MAF: variants seen among roughly 807,000 people sequenced by gnomAD.
The protein encoded by MAF is MAF bZIP transcription factor.
MAF carries 10 observed loss-of-function variants against 22.0 expected under a neutral mutation model. The observed-to-expected ratio is 0.45, with a 90% CI of 0.28 to 0.77. MAF has a LOEUF of 0.77. Among genes scored for constraint, MAF ranks in the 30% least tolerant of loss-of-function variants. The probability of loss-of-function intolerance (pLI) is 0.12; values close to 1 mark genes in which losing one functional copy is unlikely to be tolerated. For missense variants in MAF, 544 were observed against 548.4 expected, an observed-to-expected ratio of 0.99 and a Z score of 0.08; for synonymous variants, 337 against 255.8, an observed-to-expected ratio of 1.32 and a Z score of -3.03.
chr16:79,414,322 T>C, the MAF span, among the ~76,000 whole-genome samples: 1 of 152,180 alleles, frequency 6.6e-6, no homozygotes, highest in Non-Finnish European at 1.5e-5. Flanking sequence ...TGGTGAGGCC[T>C]CAGGAAGATT....
At chr16:79,538,527 A>C in the MAF span, among the ~76,000 whole-genome samples, 3 of 152,246 alleles carry the variant, frequency 2.0e-5, no homozygotes, top group Non-Finnish European at 4.4e-5. Flanking sequence ...AAAGAATATT[A>C]AACCTGACTA....
chr16:79,310,759 T>G, the MAF span, among the ~76,000 whole-genome samples: 1 of 152,236 alleles, frequency 6.6e-6, no homozygotes, highest in East Asian at 1.9e-4. Context: ...CTTTGGGAAA[T>G]TGTAGCTTCT....
chr16:79,339,552 G>C, the MAF span, among the ~76,000 whole-genome samples: 1 of 152,154 alleles, frequency 6.6e-6, no homozygotes, highest in Non-Finnish European at 1.5e-5. Context: ...GAGAGAGATA[G>C]CTTGTGTTAA....
chr16:79,541,885 A>T, the MAF span, among the ~76,000 whole-genome samples: 4 of 152,026 alleles, frequency 2.6e-5, 1 homozygote, highest in African/African-American at 9.6e-5. Context: ...TGAACACCTC[A>T]CCTCAAGCGA....
chr16:79,227,072 T>G, the MAF span, among the ~76,000 whole-genome samples: 14 of 152,260 alleles, frequency 9.2e-5, no homozygotes, highest in African/African-American at 2.9e-4. Flanking sequence ...AATAACTGGC[T>G]GGGCCAGTTA....
At chr16:79,402,958 G>T in the MAF span, among the ~76,000 whole-genome samples, 1 of 152,130 alleles carries the variant, frequency 6.6e-6, no homozygotes, top group Non-Finnish European at 1.5e-5. Flanking sequence ...GGGAGTCCTT[G>T]CCCACCCATG....
At chr16:79,427,206 G>A in the MAF span, among the ~76,000 whole-genome samples, 1 of 152,212 alleles carries the variant, frequency 6.6e-6, no homozygotes, top group African/African-American at 2.4e-5. Flanking sequence ...GTGAGGAGTA[G>A]GCAAATGGAA....
chr16:79,275,705 C>A, the MAF span, among the ~76,000 whole-genome samples: 194 of 152,216 alleles, frequency 1.3e-3, 1 homozygote, highest in African/African-American at 4.5e-3. Context: ...GGTCAATGAA[C>A]AGACAAAACT....
rs554581523 is a variant in MAF at position 79,586,917 on chromosome 16, G to A, written c.1119-976C>T. On this transcript the variant is annotated intron_variant, in intron 1 of 1. Transcript: ENST00000569649. Reference sequence around the variant, plus strand: ...TCAATCTAATTCTTTTTCCAACATGGATATTCAGTTATTTTTCTTTAATCC... The same window carrying A: ...TCAATCTAATTCTTTTTCCAACATGAATATTCAGTTATTTTTCTTTAATCC... 8.7e-4 allele frequency among the ~76,000 whole-genome samples: 132 copies of A among 152,274 alleles called. 1 individual carries two copies. The highest frequency in any genetic ancestry group is 1.3e-3 in the Non-Finnish European group (89 of 68,028).
the MAF span, among the ~76,000 whole-genome samples, chr16:79,224,410 A>G: frequency 6.6e-6 from 1 of 152,224 alleles, no homozygotes; most frequent in Non-Finnish European, 1.5e-5. Context: ...ATCATACTGA[A>G]TGGGCAAAAA....
the MAF span, among the ~76,000 whole-genome samples, chr16:79,254,897 T>G: frequency 2.0e-4 from 31 of 152,348 alleles, no homozygotes; most frequent in East Asian, 5.6e-3. Flanking sequence ...CTCTGATACA[T>G]AGCAAAGCCT....
chr16:79,356,827 T>C, the MAF span, among the ~76,000 whole-genome samples: 2 of 152,232 alleles, frequency 1.3e-5, no homozygotes, highest in Non-Finnish European at 2.9e-5. Context: ...ATGCTTGCAC[T>C]TGTGGGTCTT....
chr16:79,526,309 A>G, the MAF span, among the ~76,000 whole-genome samples: 1 of 152,122 alleles, frequency 6.6e-6, no homozygotes, highest in Non-Finnish European at 1.5e-5. Context: ...GGAGACCACA[A>G]CCTAGATTCC....
the MAF span, among the ~76,000 whole-genome samples, chr16:79,432,624 C>T: frequency 6.6e-6 from 1 of 151,990 alleles, no homozygotes; most frequent in South Asian, 2.1e-4. Flanking sequence ...CAGAATGTGA[C>T]CTTATTTGGA....
At chr16:79,262,897 G>A in the MAF span, among the ~76,000 whole-genome samples, 3 of 152,178 alleles carry the variant, frequency 2.0e-5, no homozygotes, top group African/African-American at 7.2e-5. Context: ...GAACTTAGGA[G>A]TGGCATCTTA....
the MAF span, among the ~76,000 whole-genome samples, chr16:79,349,924 C>G: frequency 0.011 from 1,605 of 152,276 alleles, 37 homozygotes; most frequent in African/African-American, 0.037. Context: ...AACTTTTCAT[C>G]GTTTTCCAAA....
At chr16:79,209,823 A>G in the MAF span, among the ~76,000 whole-genome samples, 1 of 152,220 alleles carries the variant, frequency 6.6e-6, no homozygotes, top group African/African-American at 2.4e-5. Context: ...AGTTGTTTAG[A>G]TAAATGTGCC....
chr16:79,311,969 A>T, the MAF span, among the ~76,000 whole-genome samples: 1 of 152,082 alleles, frequency 6.6e-6, no homozygotes, highest in South Asian at 2.1e-4. Context: ...AGGGCTTGGG[A>T]GGGGGAGTTG....
chr16:79,400,200 G>A, the MAF span, among the ~76,000 whole-genome samples: 46,918 of 152,100 alleles, frequency 0.31, 8,050 homozygotes, highest in Non-Finnish European at 0.4. Flanking sequence ...CACAAAGAAT[G>A]AATTGTCCCA....
Sources: gnomAD v4.1 joint callset for allele counts (sites outside exome capture counted in the v4.1 genomes callset) on GRCh38, gnomAD v4.1.1 for gene constraint, MANE v1.5 for transcripts, NCBI Gene and HGNC (gene_info 2026-07-23, HGNC 2026-07-21) for gene names.